NFIA: variants seen among roughly 807,000 people sequenced by gnomAD.
NFIA encodes nuclear factor I A.
A neutral mutation model predicts 62.8 loss-of-function variants in NFIA; 8 were observed. The ratio of observed to expected loss-of-function variants is 0.13; its 90% CI spans 0.07 to 0.23. The LOEUF (loss-of-function observed/expected upper bound fraction) is 0.23, where lower values mean the gene tolerates loss of function less well. Ranked by LOEUF, NFIA falls within the 10% of genes least tolerant of loss-of-function variation. NFIA has a pLI of 1.00. For synonymous variants in NFIA, 235 were observed against 238.1 expected, an observed-to-expected ratio of 0.99 and a Z score of 0.12; for missense variants, 410 against 642.1, an observed-to-expected ratio of 0.64 and a Z score of 3.91.
At chr1:61,379,402 CTTTTTTTT>C (rs60735193) in intron 6 of NFIA, among the ~76,000 whole-genome samples, 3 of 98,256 alleles carry the variant, frequency 3.1e-5, no homozygotes, top group East Asian at 3.4e-4. Context: ...TTTTCTTTTT[CTTTTTTTT>C]TTTTTTTTTT....
In NFIA at chr1:61,357,357, G is replaced by A. The variant is rs115532480; in HGVS notation, c.819-1790G>A. On this transcript the variant is annotated intron_variant, in intron 5 of 10. Transcript: ENST00000403491. Reference sequence around the variant, plus strand: ...GCAAGACATTAACCCTTTAGATTTCGGACTGTGAGGGTGTCTGGGACAAAG... The same window carrying A: ...GCAAGACATTAACCCTTTAGATTTCAGACTGTGAGGGTGTCTGGGACAAAG... 3.7e-3 allele frequency among the ~76,000 whole-genome samples: 566 copies of A among 152,290 alleles called. 3 individuals are homozygous for A. The highest frequency in any genetic ancestry group is 0.013 in the African/African-American group (526 of 41,556).
At chr1:61,094,244 A>G (rs1646373116) in intron 2 of NFIA, among the ~76,000 whole-genome samples, 1 of 152,226 alleles carries the variant, frequency 6.6e-6, no homozygotes, top group African/African-American at 2.4e-5. Context: ...GGAAGGAAGA[A>G]GTCAGGTGGA....
rs1042401514 is a variant in NFIA, at chr1:61,138,871, C to T, written c.559+50191C>T. On this transcript the variant is annotated intron_variant, in intron 2 of 10. Coordinates refer to ENST00000403491, the MANE Select transcript of NFIA (RefSeq NM_001134673.4). ...TGCTACTATTACGGGTGTGAGCCAC[C>T]GTGCCTGGCTAGAATTAGTCATTTT... Among the ~76,000 whole-genome samples the T allele has an allele frequency of 3.3e-5, 5 of 151,700 alleles. No homozygotes were observed. In the East Asian group the frequency reaches 6.0e-4, roughly 18 times the overall value.
At chr1:61,254,524 CCTT>C (rs1656251807) in intron 2 of NFIA, among the ~76,000 whole-genome samples, 1 of 152,162 alleles carries the variant, frequency 6.6e-6, no homozygotes, top group Admixed American at 6.6e-5. Context: ...CTTCAACACT[CCTT>C]CTGTTGGATA....
In NFIA at chr1:61,458,772, A is replaced by C. The variant is rs1668415577; in HGVS notation, c.*3452A>C. On this transcript the variant is annotated 3_prime_UTR_variant, in exon 11 of 11. Transcript: ENST00000403491. Reference sequence around the variant, plus strand: ...GCATATTCCTATGCTTGAGAAGTATAGGTCTACTGAAAAACCATTGTAAAT... The same window carrying C: ...GCATATTCCTATGCTTGAGAAGTATCGGTCTACTGAAAAACCATTGTAAAT... The C allele has an allele frequency of 6.7e-6, 1 of 149,160 alleles. No individual in the cohort carries two copies. Among genetic ancestry groups the C allele is most frequent in the Non-Finnish European group, 1.5e-5 (1 of 67,658 alleles). The allele number at this position is 149,160 out of a possible 1,614,324, so 9.2% of individuals were successfully genotyped here. A position where few individuals can be genotyped will look rare whatever the true frequency, so the allele number is the denominator to read the frequency against.
At chr1:61,207,759 G>T (rs1247379081) in intron 2 of NFIA, among the ~76,000 whole-genome samples, 1 of 152,154 alleles carries the variant, frequency 6.6e-6, no homozygotes, top group African/African-American at 2.4e-5. Context: ...CACTGTTTCT[G>T]CCTCCTTTTG....
chr1:61,084,177 G>C (rs1463253209), intron 1 of NFIA, among the ~76,000 whole-genome samples: 3 of 152,130 alleles, frequency 2.0e-5, no homozygotes, highest in Non-Finnish European at 4.4e-5. Context: ...TCATTTAGTA[G>C]GAGATAACGG....
intron 2 of NFIA, among the ~76,000 whole-genome samples, chr1:61,239,416 T>C (rs1385919188): frequency 1.3e-5 from 2 of 152,214 alleles, no homozygotes; most frequent in African/African-American, 4.8e-5. Context: ...AATCTCGTTA[T>C]CGGGACTATC....
At chr1:61,157,478 T>A (rs1648897109) in intron 2 of NFIA, among the ~76,000 whole-genome samples, 1 of 152,240 alleles carries the variant, frequency 6.6e-6, no homozygotes, top group African/African-American at 2.4e-5. Flanking sequence ...ATATTTTATT[T>A]ATTAAAGCTT....
intron 2 of NFIA, among the ~76,000 whole-genome samples, chr1:61,137,408 T>A (rs1057177200): frequency 6.6e-6 from 1 of 152,202 alleles, no homozygotes; most frequent in African/African-American, 2.4e-5. Context: ...TTGGCCTAGT[T>A]CTTGGGGGTG....
At chr1:61,205,263 C>A (rs1048316736) in intron 2 of NFIA, among the ~76,000 whole-genome samples, 2 of 152,076 alleles carry the variant, frequency 1.3e-5, no homozygotes, top group African/African-American at 4.8e-5. Context: ...TACTAAGTTG[C>A]CTGAGAATTT....
At chr1:61,343,563 C>T (rs1662045087) in intron 4 of NFIA, among the ~76,000 whole-genome samples, 1 of 152,114 alleles carries the variant, frequency 6.6e-6, no homozygotes, top group African/African-American at 2.4e-5. Flanking sequence ...TTGCTTAAAT[C>T]TTTTAATAGC....
At chr1:61,185,953 C>T (rs1308614059) in intron 2 of NFIA, among the ~76,000 whole-genome samples, 1 of 152,116 alleles carries the variant, frequency 6.6e-6, no homozygotes, top group African/African-American at 2.4e-5. Flanking sequence ...ATGTCAGTCC[C>T]ACAAGGATGC....
chr1:61,124,059 T>C (rs1190058105), intron 2 of NFIA, among the ~76,000 whole-genome samples: 1 of 152,162 alleles, frequency 6.6e-6, no homozygotes, highest in Non-Finnish European at 1.5e-5. Context: ...ACAATTGGTT[T>C]TGAAAGACAA....
At chr1:61,352,020 T>A (rs750274328) in intron 4 of NFIA, among the ~76,000 whole-genome samples, 33 of 152,178 alleles carry the variant, frequency 2.2e-4, no homozygotes, top group Admixed American at 7.2e-4. Flanking sequence ...AATGGACAGC[T>A]TAGAAAGATG....
At chr1:61,189,118 T>G (rs894873788) in intron 2 of NFIA, among the ~76,000 whole-genome samples, 22 of 151,882 alleles carry the variant, frequency 1.4e-4, no homozygotes, top group Admixed American at 7.9e-4. Context: ...GGGTAACGGG[T>G]CAAGGAAAGG....
upstream of NFIA, chr1:61,081,765 T>C (rs998245971): frequency 6.8e-5 from 74 of 1,088,960 alleles, no homozygotes; most frequent in Middle Eastern, 5.3e-4. Context: ...CGCTTCTGAA[T>C]GCCACAGGAC....
At chr1:61,117,738 A>G (rs1391935292) in intron 2 of NFIA, among the ~76,000 whole-genome samples, 1 of 152,168 alleles carries the variant, frequency 6.6e-6, no homozygotes, top group Non-Finnish European at 1.5e-5. Flanking sequence ...AAAGCTCTCA[A>G]ATGTATTTAT....
At chr1:61,419,932 G>A (rs1201226577) in intron 9 of NFIA, among the ~76,000 whole-genome samples, 1 of 152,184 alleles carries the variant, frequency 6.6e-6, no homozygotes. Flanking sequence ...CTTGTTTGTA[G>A]AGACAAAAGA....
Sources: allele counts gnomAD v4.1 joint callset (sites outside exome capture counted in the v4.1 genomes callset), GRCh38; gene constraint gnomAD v4.1.1; transcripts MANE v1.5; gene names NCBI Gene and HGNC (gene_info 2026-07-23, HGNC 2026-07-21).